TCF4: variants seen among roughly 807,000 people sequenced by gnomAD.
The protein encoded by TCF4 is SL3-3 enhancer factor 2.
Under a neutral mutation model 82.1 loss-of-function variants are expected in TCF4, and 3 were observed. The observed-to-expected ratio is 0.04, with a 90% confidence interval of 0.02 to 0.09. The LOEUF (loss-of-function observed/expected upper bound fraction) is 0.09, where lower values mean the gene tolerates loss of function less well. Among genes scored for constraint, TCF4 ranks in the 10% least tolerant of loss-of-function variants. The pLI, the probability that TCF4 is intolerant of heterozygous loss-of-function variation, is 1.00. For synonymous variants in TCF4, 276 were observed against 309.6 expected, an observed-to-expected ratio of 0.89 and a Z score of 1.14; for missense variants, 518 against 852.7, an observed-to-expected ratio of 0.61 and a Z score of 4.89.
At chr18:55,255,756 C>G (rs534168871) in intron 14 of TCF4, among the ~76,000 whole-genome samples, 2 of 152,218 alleles carry the variant, frequency 1.3e-5, no homozygotes, top group East Asian at 3.9e-4. Context: ...TAGTGTCACA[C>G]TGCTAGGAAA....
chr18:55,544,257 G>A (rs1214773857), intron 3 of TCF4, among the ~76,000 whole-genome samples: 1 of 152,160 alleles, frequency 6.6e-6, no homozygotes, highest in Admixed American at 6.5e-5. Context: ...TAATTTCAAT[G>A]ATAATATTTG....
At chr18:55,588,786 C>A (rs1869128900), upstream of TCF4, among the ~76,000 whole-genome samples, 1 of 151,928 alleles carries the variant, frequency 6.6e-6, no homozygotes, top group Admixed American at 6.6e-5. Context: ...ATCTGAATTG[C>A]ATACTTTCTT....
chr18:55,533,209 GCCTCCCAGGGAGCGTATGGCT>G (rs1317746537), intron 3 of TCF4, among the ~76,000 whole-genome samples: 16 of 152,204 alleles, frequency 1.1e-4, no homozygotes, highest in Admixed American at 4.6e-4. Flanking sequence ...AATAAAACCA[GCCTCCCAGGGAGCGTATGGCT>G]GCAGGGCATG....
intron 6 of TCF4, among the ~76,000 whole-genome samples, chr18:55,394,562 C>A (rs2093374102): frequency 2.6e-5 from 4 of 152,060 alleles, no homozygotes; most frequent in African/African-American, 9.7e-5. Flanking sequence ...TGGTGAAGTG[C>A]CGGGCGAAAG....
At chr18:55,479,378 T>C (rs768456647) in intron 3 of TCF4, 1 of 154,300 alleles carries the variant, frequency 6.5e-6, no homozygotes, top group African/African-American at 2.4e-5. Flanking sequence ...TGAAAACTAG[T>C]GGTCACCAAA....
chr18:55,368,590 T>C (rs553413421), intron 6 of TCF4, among the ~76,000 whole-genome samples: 13 of 152,298 alleles, frequency 8.5e-5, no homozygotes, highest in Non-Finnish European at 1.3e-4. Flanking sequence ...CTGTGGGCCA[T>C]GGGTTAGACA....
rs116528648 is a variant in TCF4, at chr18:55,271,400, A to G, written c.790-1437T>C. On this transcript the variant is annotated intron_variant, in intron 10 of 19. Coordinates refer to ENST00000354452, the MANE Select transcript of TCF4 (RefSeq NM_001083962.2). ...AATTATACTATACGCTCAATGAACA[A>G]TTGGTTATCAGTCAGAATTTAATAA... 8.3e-3 allele frequency among the ~76,000 whole-genome samples: 1,267 copies of G among 152,240 alleles called. 20 individuals are homozygous for G. The highest frequency in any genetic ancestry group is 0.029 in the African/African-American group (1,209 of 41,548).
At chr18:55,594,768 T>C (rs990532619) in intron 2 of TCF4, among the ~76,000 whole-genome samples, 1 of 152,202 alleles carries the variant, frequency 6.6e-6, no homozygotes, top group African/African-American at 2.4e-5. Flanking sequence ...TGCTTCACTA[T>C]TATAACATTT....
intron 3 of TCF4, among the ~76,000 whole-genome samples, chr18:55,500,287 T>G (rs536203303): frequency 4.6e-5 from 7 of 152,284 alleles, no homozygotes; most frequent in Admixed American, 3.3e-4. Context: ...GCCAACAGAA[T>G]GTTTCATGTT....
chr18:55,393,562 C>A (rs764588263), intron 6 of TCF4, among the ~76,000 whole-genome samples: 1 of 152,132 alleles, frequency 6.6e-6, no homozygotes, highest in Non-Finnish European at 1.5e-5. Context: ...AATTTTGTAA[C>A]CTTTGCATGT....
At chr18:55,277,602 ATTTT>A (rs11292069) in intron 9 of TCF4, among the ~76,000 whole-genome samples, 6 of 122,266 alleles carry the variant, frequency 4.9e-5, no homozygotes, top group Non-Finnish European at 5.3e-5. Context: ...TGTCAACTCA[ATTTT>A]TTTTTTTTTT....
intron 8 of TCF4, among the ~76,000 whole-genome samples, chr18:55,297,091 G>A (rs183398846): frequency 3.0e-4 from 41 of 138,818 alleles, no homozygotes; most frequent in African/African-American, 1.1e-3. Flanking sequence ...TCATCAGAAT[G>A]TTGTTTTGTA....
At chr18:55,260,964 A>G (rs921640267) in intron 12 of TCF4, 24 of 160,046 alleles carry the variant, frequency 1.5e-4, no homozygotes, top group East Asian at 1.8e-4. Flanking sequence ...GGAACATGCA[A>G]GAAATGTTCA....
intron 15 of TCF4, among the ~76,000 whole-genome samples, chr18:55,249,740 C>T (rs372872892): frequency 3.9e-5 from 6 of 152,232 alleles, no homozygotes; most frequent in Admixed American, 1.3e-4. Flanking sequence ...TACACTAATG[C>T]GATATATGAA....
At chr18:55,484,759 C>CT (rs1329846882) in intron 3 of TCF4, among the ~76,000 whole-genome samples, 13 of 152,160 alleles carry the variant, frequency 8.5e-5, no homozygotes, top group Admixed American at 5.2e-4. Context: ...ACATGACTTC[C>CT]TTTTTTATTC....
At chr18:55,435,245 T>C (rs992809771) in intron 5 of TCF4, among the ~76,000 whole-genome samples, 3 of 152,206 alleles carry the variant, frequency 2.0e-5, no homozygotes, top group Non-Finnish European at 4.4e-5. Flanking sequence ...ACCTTCAACT[T>C]TACCTGTAAA....
chr18:55,526,918 C>T (rs1422692142), intron 3 of TCF4, among the ~76,000 whole-genome samples: 3 of 152,110 alleles, frequency 2.0e-5, no homozygotes, highest in African/African-American at 7.2e-5. Context: ...CATTTACAGA[C>T]ACCTCTCTCC....
At chr18:55,278,700 C>G (rs2061938282) in intron 9 of TCF4, among the ~76,000 whole-genome samples, 2 of 152,136 alleles carry the variant, frequency 1.3e-5, no homozygotes, top group Non-Finnish European at 2.9e-5. Flanking sequence ...TCCCGAGTAG[C>G]TGGGACTACA....
chr18:55,405,983 G>C (rs1041811354), intron 5 of TCF4, among the ~76,000 whole-genome samples: 1 of 152,144 alleles, frequency 6.6e-6, no homozygotes, highest in Non-Finnish European at 1.5e-5. Flanking sequence ...TTGTGTGGGG[G>C]AGGATAAGAG....
Sources: gnomAD v4.1 joint callset for allele counts (sites outside exome capture counted in the v4.1 genomes callset) on GRCh38, gnomAD v4.1.1 for gene constraint, MANE v1.5 for transcripts, NCBI Gene and HGNC (gene_info 2026-07-23, HGNC 2026-07-21) for gene names.